PRIMA1: variants seen among roughly 807,000 people sequenced by gnomAD.
PRIMA1 encodes proline-rich membrane anchor 1.
In PRIMA1, 7 loss-of-function variants were observed where a neutral mutation model predicts 17.5. The ratio of observed to expected loss-of-function variants is 0.40; its 90% confidence interval spans 0.23 to 0.75. The LOEUF (loss-of-function observed/expected upper bound fraction) is 0.75, where lower values mean the gene tolerates loss of function less well. PRIMA1 is among the 30% of genes least tolerant of loss of function. The probability of loss-of-function intolerance (pLI) is 0.37; values close to 1 mark genes in which losing one functional copy is unlikely to be tolerated. For missense variants in PRIMA1, 200 were observed against 201.8 expected, an observed-to-expected ratio of 0.99 and a Z score of 0.05; for synonymous variants, 97 against 77.9, an observed-to-expected ratio of 1.25 and a Z score of -1.29.
chr14:93,732,708 C>T (rs2076122744), intron 4 of PRIMA1, among the ~76,000 whole-genome samples: 1 of 152,172 alleles, frequency 6.6e-6, no homozygotes, highest in Non-Finnish European at 1.5e-5. Context: ...TGATGGTCCC[C>T]CTGCGATCCA....
At chr14:93,744,137 A>T (rs2076201489) in intron 3 of PRIMA1, among the ~76,000 whole-genome samples, 1 of 152,244 alleles carries the variant, frequency 6.6e-6, no homozygotes. Flanking sequence ...GACCAGACCC[A>T]GGTCCTCTGG....
intron 4 of PRIMA1, among the ~76,000 whole-genome samples, chr14:93,730,188 A>G (rs1251257015): frequency 6.6e-6 from 1 of 152,160 alleles, no homozygotes; most frequent in African/African-American, 2.4e-5. Context: ...GTCGGGAGAG[A>G]GATGAGTAAG....
chr14:93,775,725 C>T (rs1469109765), intron 3 of PRIMA1, among the ~76,000 whole-genome samples: 1 of 152,264 alleles, frequency 6.6e-6, no homozygotes, highest in Non-Finnish European at 1.5e-5. Flanking sequence ...CACCACTGGT[C>T]TAATCCACCT....
At chr14:93,778,642 G>A (rs1885288641) in intron 3 of PRIMA1, among the ~76,000 whole-genome samples, 1 of 152,164 alleles carries the variant, frequency 6.6e-6, no homozygotes, top group Non-Finnish European at 1.5e-5. Context: ...CTAAAGAAAC[G>A]CTCCTTTGTT....
chr14:93,742,937 G>A (rs556527625), intron 3 of PRIMA1, among the ~76,000 whole-genome samples: 33 of 152,216 alleles, frequency 2.2e-4, no homozygotes, highest in Non-Finnish European at 2.1e-4. Context: ...AGCTTTCCCC[G>A]TCAGAGCCAG....
chr14:93,785,891 G>A (rs890782619), intron 2 of PRIMA1, among the ~76,000 whole-genome samples: 1 of 149,022 alleles, frequency 6.7e-6, no homozygotes, highest in Non-Finnish European at 1.5e-5. Flanking sequence ...CACACACACA[G>A]ACACCCCTGC....
In PRIMA1 at chr14:93,737,488, A is replaced by G; in HGVS notation, c.230-118T>C. The G allele has an allele frequency of 2.5e-6, 3 of 1,210,234 alleles. No homozygotes were observed. In the Admixed American group the frequency reaches 6.9e-5, roughly 28 times the overall value. The allele number at this position is 1,210,234 out of a possible 1,614,324, so 75.0% of individuals were successfully genotyped here. On this transcript the variant is annotated intron_variant, in intron 3 of 4. Transcript: ENST00000393140. ...GCGTGGGGAGGTCACTGGTGGGACCATCATGGGTGACACCAACAGAGGCGT... is the reference window on the plus strand; with the variant it reads ...GCGTGGGGAGGTCACTGGTGGGACCGTCATGGGTGACACCAACAGAGGCGT...
In PRIMA1 at chr14:93,735,958, G is replaced by C. The variant is rs564191202; in HGVS notation, c.359+1283C>G. On this transcript the variant is annotated intron_variant, in intron 4 of 4. Transcript: ENST00000393140. ...CCCGCCTCCACCTCCCAAAATGCCG[G>C]GATTACAGGCGTGAGCCACCACACC... 5.9e-5 allele frequency among the ~76,000 whole-genome samples: 9 copies of C among 152,270 alleles called. 1 individual carries two copies. Among genetic ancestry groups the C allele is most frequent in the Admixed American group, 3.3e-4 (5 of 15,296 alleles).
upstream of PRIMA1, chr14:93,788,497 G>C (rs1885597189): frequency 6.6e-6 from 1 of 152,334 alleles, no homozygotes; most frequent in Non-Finnish European, 1.5e-5. Context: ...CCAGCAGCCG[G>C]ACAGCCCCCA....
intron 4 of PRIMA1, among the ~76,000 whole-genome samples, chr14:93,723,194 G>A (rs891330742): frequency 2.6e-4 from 40 of 152,210 alleles, no homozygotes; most frequent in Middle Eastern, 6.8e-3. Context: ...TCATCCCCAC[G>A]GGGCTGTAGC....
At chr14:93,725,864 A>G in intron 4 of PRIMA1, 2 of 448,054 alleles carry the variant, frequency 4.5e-6, no homozygotes, top group Admixed American at 4.8e-5. Flanking sequence ...GGCTCCGGAA[A>G]TGCTAGAGAG....
intron 3 of PRIMA1, among the ~76,000 whole-genome samples, chr14:93,771,365 T>A (rs755173924): frequency 5.9e-5 from 9 of 152,104 alleles, no homozygotes; most frequent in African/African-American, 2.2e-4. Flanking sequence ...ACAGCTCCCA[T>A]CAGCCTCTCA....
chr14:93,765,326 G>C (rs1884854477), intron 3 of PRIMA1, among the ~76,000 whole-genome samples: 1 of 151,538 alleles, frequency 6.6e-6, no homozygotes, highest in South Asian at 2.1e-4. Context: ...CATGTGTCCA[G>C]CCCTGTGCTG....
At chr14:93,757,999 A>T (rs2076302499) in intron 3 of PRIMA1, among the ~76,000 whole-genome samples, 2 of 152,190 alleles carry the variant, frequency 1.3e-5, no homozygotes, top group Admixed American at 6.5e-5. Context: ...GCCTCAAGGC[A>T]GAACTTCCTT....
At chr14:93,768,104 C>T (rs10144631) in intron 3 of PRIMA1, among the ~76,000 whole-genome samples, 32,233 of 151,964 alleles carry the variant, frequency 0.21, 3,657 homozygotes, top group African/African-American at 0.23. Context: ...AAAAAAATCT[C>T]TTTTTAAAAA....
intron 3 of PRIMA1, among the ~76,000 whole-genome samples, chr14:93,766,542 CAT>C (rs766353130): frequency 2.5e-4 from 38 of 152,370 alleles, no homozygotes; most frequent in Admixed American, 1.7e-3. Flanking sequence ...ACTGCAGACA[CAT>C]GTGTGATTTC....
Position 93,760,258 on chromosome 14 carries a change from C to A in PRIMA1, c.229+18918G>T, listed in dbSNP as rs185828830. On this transcript the variant is annotated intron_variant, in intron 3 of 4. Coordinates refer to ENST00000393140, the MANE Select transcript of PRIMA1 (RefSeq NM_178013.4). ...TTCCCATCTCCGTGAGATTCATTGTCCTACCTCGACTAACTCAGCTGCTCA... is the reference window on the plus strand; with the variant it reads ...TTCCCATCTCCGTGAGATTCATTGTACTACCTCGACTAACTCAGCTGCTCA... Among the ~76,000 whole-genome samples, 362 of 152,288 alleles carry A rather than the reference C, an allele frequency of 2.4e-3. 9 individuals carry two copies. The highest frequency in any genetic ancestry group is 5.6e-4 in the Non-Finnish European group (38 of 68,032).
chr14:93,787,553 C>A, intron 2 of PRIMA1, 73 bp downstream of exon 2: 1 of 1,534,588 alleles, frequency 6.5e-7, no homozygotes, highest in Non-Finnish European at 8.7e-7. Context: ...AGGCCAGGGT[C>A]TCAGGAGGGA....
chr14:93,770,752 A>C (rs929503709), intron 3 of PRIMA1, among the ~76,000 whole-genome samples: 1 of 152,172 alleles, frequency 6.6e-6, no homozygotes, highest in African/African-American at 2.4e-5. Context: ...ATCAATCTAC[A>C]AGCTCTGTGA....
Sources: gnomAD v4.1 joint callset for allele counts (sites outside exome capture counted in the v4.1 genomes callset) on GRCh38, gnomAD v4.1.1 for gene constraint, MANE v1.5 for transcripts, NCBI Gene and HGNC (gene_info 2026-07-23, HGNC 2026-07-21) for gene names.